Variants in FAM13A observed in about 807,000 individuals in gnomAD.
FAM13A encodes the protein protein FAM13A.
Under a neutral mutation model 129.6 loss-of-function variants are expected in FAM13A, and 76 were observed. The observed-to-expected ratio is 0.59, with a 90% CI of 0.49 to 0.71. The LOEUF is 0.71. FAM13A is among the 30% of genes least tolerant of loss of function. FAM13A has a pLI of 0.00. For missense variants in FAM13A, 1,108 were observed against 1,249.3 expected, an observed-to-expected ratio of 0.89 and a Z score of 1.70; for synonymous variants, 443 against 449.9, an observed-to-expected ratio of 0.98 and a Z score of 0.20.
At chr4:88,954,008 A>C (rs1031464900) in intron 4 of FAM13A, among the ~76,000 whole-genome samples, 1 of 152,322 alleles carries the variant, frequency 6.6e-6, no homozygotes, top group Admixed American at 6.5e-5. Context: ...CCAAACCAAA[A>C]TGAGCCAAAG....
At chr4:88,862,990 T>C (rs991586821) in intron 6 of FAM13A, among the ~76,000 whole-genome samples, 1 of 109,780 alleles carries the variant, frequency 9.1e-6, no homozygotes, top group African/African-American at 3.4e-5. Flanking sequence ...AAAGAAAAGA[T>C]GGGTGTGACA....
intron 6 of FAM13A, among the ~76,000 whole-genome samples, chr4:88,867,271 T>C (rs7694851): frequency 0.014 from 2,196 of 152,326 alleles, 67 homozygotes; most frequent in African/African-American, 0.05. Flanking sequence ...CTTAAACACC[T>C]GTCCTCCACT....
At position 89,009,062 on chromosome 4, in the gene FAM13A, C is replaced by T. The variant is rs185279813; in HGVS notation, c.427+11398G>A. The T allele has an allele frequency of 8.5e-5, 13 of 152,258 alleles. 1 individual carries two copies. The highest frequency in any genetic ancestry group is 2.0e-4 in the Admixed American group (3 of 15,292). The allele number at this position is 152,258 out of a possible 1,614,324, so 9.4% of individuals were successfully genotyped here. On this transcript the variant is annotated intron_variant, in intron 3 of 23. Transcript: ENST00000264344. ...AGGATCAACTGTCAAGATGTCACAT[C>T]AGGATCTTTCCCCTTTCTTTAAAAA... is the stretch of plus-strand genomic sequence containing the variant.
intron 1 of FAM13A, among the ~76,000 whole-genome samples, chr4:89,037,124 C>G (rs1769489779): frequency 6.6e-6 from 1 of 152,156 alleles, no homozygotes; most frequent in South Asian, 2.1e-4. Flanking sequence ...CTTCCAAGAC[C>G]CAGAATGGTA....
At chr4:88,895,610 G>A (rs1387696006) in intron 6 of FAM13A, among the ~76,000 whole-genome samples, 1 of 146,550 alleles carries the variant, frequency 6.8e-6, no homozygotes, top group Non-Finnish European at 1.5e-5. Flanking sequence ...GTGGGCAAAG[G>A]ACATGAACAG....
chr4:88,925,548 A>C (rs1751964798), intron 5 of FAM13A, among the ~76,000 whole-genome samples: 1 of 85,508 alleles, frequency 1.2e-5, no homozygotes, highest in Non-Finnish European at 2.1e-5. Flanking sequence ...CACTCTGGGG[A>C]CTGTTGTGGG....
At chr4:88,822,357 G>GA (rs750127440) in intron 7 of FAM13A, among the ~76,000 whole-genome samples, 1 of 152,036 alleles carries the variant, frequency 6.6e-6, no homozygotes, top group East Asian at 1.9e-4. Context: ...CCTCCCCCCA[G>GA]ACCCACAATC....
At chr4:88,975,465 T>A (rs1283417073) in intron 4 of FAM13A, among the ~76,000 whole-genome samples, 1 of 152,216 alleles carries the variant, frequency 6.6e-6, no homozygotes, top group African/African-American at 2.4e-5. Flanking sequence ...ATTTTCTACT[T>A]GTCATCACTG....
At chr4:88,954,400 C>T (rs1465102063) in intron 4 of FAM13A, among the ~76,000 whole-genome samples, 1 of 152,194 alleles carries the variant, frequency 6.6e-6, no homozygotes, top group Non-Finnish European at 1.5e-5. Context: ...TCCGTCCTTT[C>T]ATCTATCAAT....
At chr4:88,906,493 G>C (rs1561301655) in intron 5 of FAM13A, 31 bp from the exon 6 acceptor site, 1 of 1,478,544 alleles carries the variant, frequency 6.8e-7, no homozygotes, top group Admixed American at 2.0e-5. Context: ...AAACATTAGA[G>C]ATTAAAGAAC....
At chr4:89,002,176 C>T (rs960143357) in intron 3 of FAM13A, among the ~76,000 whole-genome samples, 1 of 115,682 alleles carries the variant, frequency 8.6e-6, no homozygotes, top group Non-Finnish European at 1.8e-5. Flanking sequence ...CACCCAACGG[C>T]AAAAAAAAAA....
chr4:88,812,222 C>G (rs1729776598), intron 7 of FAM13A, among the ~76,000 whole-genome samples: 1 of 152,136 alleles, frequency 6.6e-6, no homozygotes, highest in Non-Finnish European at 1.5e-5. Context: ...TGGACTAAGA[C>G]AATCTCTTAC....
At chr4:89,054,910 T>C (rs545350476) in intron 1 of FAM13A, among the ~76,000 whole-genome samples, 24 of 152,248 alleles carry the variant, frequency 1.6e-4, no homozygotes, top group African/African-American at 5.5e-4. Context: ...TCATTCACTT[T>C]AAAAATTATT....
At chr4:88,788,299 T>A (rs985899582) in intron 9 of FAM13A, among the ~76,000 whole-genome samples, 1 of 152,174 alleles carries the variant, frequency 6.6e-6, no homozygotes, top group African/African-American at 2.4e-5. Flanking sequence ...GACCTATTCT[T>A]ACAAAGGCAA....
chr4:88,862,163 G>A (rs149450238), intron 6 of FAM13A, among the ~76,000 whole-genome samples: 135 of 152,288 alleles, frequency 8.9e-4, no homozygotes, highest in African/African-American at 3.1e-3. Flanking sequence ...GTAATTGCAT[G>A]CATATATACA....
rs1409762087 is a variant in FAM13A, at chr4:88,946,654, G to A, written c.606-8413C>T. On this transcript the variant is annotated intron_variant, in intron 4 of 23. Coordinates refer to ENST00000264344, the MANE Select transcript of FAM13A (RefSeq NM_014883.4). ...ATTCAGTTACAAAACATTAACAAACGGGCTACTTGGTTAAAACAGGTAAAT... is the reference window on the plus strand; with the variant it reads ...ATTCAGTTACAAAACATTAACAAACAGGCTACTTGGTTAAAACAGGTAAAT... 5.9e-5 allele frequency among the ~76,000 whole-genome samples: 9 copies of A among 151,832 alleles called. No individual in the cohort carries two copies. In the South Asian group the frequency reaches 6.2e-4, roughly 11 times the overall value.
In FAM13A at chr4:88,822,859, C is replaced by T. The variant is rs1008148678; in HGVS notation, c.1008-17807G>A. ...TCTTAGGGAGGAACCATATGTACAA[C>T]GGACTCTACACACTTTGCAGCATGT... On this transcript the variant is annotated intron_variant, in intron 7 of 23. Coordinates refer to ENST00000264344, the MANE Select transcript of FAM13A (RefSeq NM_014883.4). 91 of 1,432,510 alleles carry T rather than the reference C, an allele frequency of 6.4e-5. No homozygotes were observed. In the African/African-American group the frequency reaches 1.1e-3, roughly 18 times the overall value. 88.7% of individuals were successfully genotyped at this position (1,432,510 alleles called of 1,614,324 possible). A position where few individuals can be genotyped will look rare whatever the true frequency, so the allele number is the denominator to read the frequency against.
At position 88,874,356 on chromosome 4, in the gene FAM13A, G is replaced by C. The variant is rs560568250; in HGVS notation, c.844-23173C>G. On this transcript the variant is annotated intron_variant, in intron 6 of 23. Coordinates refer to ENST00000264344, the MANE Select transcript of FAM13A (RefSeq NM_014883.4). Reference sequence around the variant, plus strand: ...GAAAAGAGGAAGTCAAAGTGTCTCTGTTTGCAGATGACATGATTGTATATT... The same window carrying C: ...GAAAAGAGGAAGTCAAAGTGTCTCTCTTTGCAGATGACATGATTGTATATT... Among the ~76,000 whole-genome samples, 401 of 152,308 alleles carry C rather than the reference G, an allele frequency of 2.6e-3. 2 individuals are homozygous for C. The highest frequency in any genetic ancestry group is 8.9e-3 in the African/African-American group (369 of 41,568).
intron 9 of FAM13A, 85 bp from the exon 10 acceptor site, chr4:88,788,017 C>T: frequency 9.6e-7 from 1 of 1,047,098 alleles, no homozygotes; most frequent in Non-Finnish European, 1.4e-6. Context: ...GTTTTGGGAA[C>T]ATCTGTATTT....
Sources: gnomAD v4.1 joint callset for allele counts (sites outside exome capture counted in the v4.1 genomes callset) on GRCh38, gnomAD v4.1.1 for gene constraint, MANE v1.5 for transcripts, NCBI Gene and HGNC (gene_info 2026-07-23, HGNC 2026-07-21) for gene names.